Variants in CRIM1 observed in about 807,000 individuals in gnomAD.
The protein encoded by CRIM1 is cysteine rich transmembrane BMP regulator 1, also known as cysteine-rich motor neuron 1 protein.
CRIM1 carries 32 observed loss-of-function variants against 116.4 expected under a neutral mutation model. The observed-to-expected ratio is 0.27, with a 90% CI of 0.21 to 0.37. The LOEUF is 0.37. Among genes scored for constraint, CRIM1 ranks in the 10% least tolerant of loss-of-function variants. CRIM1 has a pLI of 1.00. For missense variants in CRIM1, 1,331 were observed against 1,354.8 expected, an observed-to-expected ratio of 0.98 and a Z score of 0.28; for synonymous variants, 590 against 509.2, an observed-to-expected ratio of 1.16 and a Z score of -2.13.
At chr2:36,471,431 A>C (rs188639598) in intron 5 of CRIM1, among the ~76,000 whole-genome samples, 2 of 152,080 alleles carry the variant, frequency 1.3e-5, no homozygotes, top group Non-Finnish European at 2.9e-5. Flanking sequence ...AGCCACCCCA[A>C]CCTTCAGCAA....
chr2:36,366,130 A>T (rs1388388442), intron 1 of CRIM1, among the ~76,000 whole-genome samples: 1 of 152,236 alleles, frequency 6.6e-6, no homozygotes, highest in Non-Finnish European at 1.5e-5. Context: ...AGATGCTTTA[A>T]ATTGGCTATT....
chr2:36,450,879 T>A (rs549641551), intron 4 of CRIM1, among the ~76,000 whole-genome samples: 8 of 152,356 alleles, frequency 5.3e-5, no homozygotes, highest in African/African-American at 1.9e-4. Context: ...CTTAGCAGAT[T>A]GCTAGCACAC....
chr2:36,357,713 G>A (rs1668946853), intron 1 of CRIM1, among the ~76,000 whole-genome samples: 2 of 152,178 alleles, frequency 1.3e-5, no homozygotes, highest in Non-Finnish European at 2.9e-5. Flanking sequence ...GGGCATCCTG[G>A]CGAGTGAGCA....
chr2:36,486,791 A>G (rs1182478209), intron 7 of CRIM1, among the ~76,000 whole-genome samples: 1 of 152,216 alleles, frequency 6.6e-6, no homozygotes, highest in East Asian at 1.9e-4. Flanking sequence ...ATAGTCTGGA[A>G]TGCTAACTAT....
intron 5 of CRIM1, among the ~76,000 whole-genome samples, chr2:36,474,102 C>G (rs963555806): frequency 6.6e-6 from 1 of 152,080 alleles, no homozygotes; most frequent in South Asian, 2.1e-4. Flanking sequence ...ACTAATGATT[C>G]GAGCATCTTT....
chr2:36,550,066 T>TGCGCGCGC lies in CRIM1; in HGVS notation c.*1366_*1373dup, dbSNP rs34148376. The TGCGCGCGC allele has an allele frequency of 6.7e-6, 1 of 149,678 alleles. No homozygotes were observed. Among genetic ancestry groups the TGCGCGCGC allele is most frequent in the African/African-American group, 2.5e-5 (1 of 39,902 alleles). The allele number at this position is 149,678 out of a possible 1,614,324, so 9.3% of individuals were successfully genotyped here. A position where few individuals can be genotyped will look rare whatever the true frequency, so the allele number is the denominator to read the frequency against. On this transcript the variant is annotated 3_prime_UTR_variant, in exon 17 of 17. Coordinates refer to ENST00000280527, the MANE Select transcript of CRIM1 (RefSeq NM_016441.3). Reference sequence around the variant, plus strand: ...ATGTGTGTGTGTGTGTGTGTGTGTGTGCGCGCGCACGCACGCCTTGAGCAG... The same window carrying TGCGCGCGC: ...ATGTGTGTGTGTGTGTGTGTGTGTGTGCGCGCGCGCGCGCGCACGCACGCCTTGAGCAG...
intron 16 of CRIM1, 133 bp from the exon 17 acceptor site, chr2:36,548,392 T>A: frequency 2.0e-6 from 1 of 510,986 alleles, no homozygotes; most frequent in Non-Finnish European, 3.4e-6. Context: ...GATGTGATAA[T>A]CTGCATACAG....
intron 14 of CRIM1, among the ~76,000 whole-genome samples, chr2:36,540,601 G>T (rs1344592088): frequency 6.6e-6 from 1 of 152,180 alleles, no homozygotes; most frequent in East Asian, 1.9e-4. Context: ...GCTTTGGCAA[G>T]GATTTTTCAG....
chr2:36,447,019 G>A (rs770280199), intron 4 of CRIM1, among the ~76,000 whole-genome samples: 17 of 152,218 alleles, frequency 1.1e-4, no homozygotes, highest in Non-Finnish European at 2.4e-4. Context: ...TAGTCTTTAA[G>A]TGACATATAG....
At chr2:36,392,268 G>T (rs947931418) in intron 1 of CRIM1, among the ~76,000 whole-genome samples, 1 of 152,130 alleles carries the variant, frequency 6.6e-6, no homozygotes, top group African/African-American at 2.4e-5. Context: ...TATACTTAGA[G>T]AAAGTAACTT....
At chr2:36,490,508 G>C (rs543813122) in intron 7 of CRIM1, among the ~76,000 whole-genome samples, 4 of 152,208 alleles carry the variant, frequency 2.6e-5, no homozygotes, top group African/African-American at 9.6e-5. Flanking sequence ...GAATGTCAAA[G>C]TACTTGATCA....
At chr2:36,394,028 A>G (rs1403121991) in intron 1 of CRIM1, among the ~76,000 whole-genome samples, 5 of 152,176 alleles carry the variant, frequency 3.3e-5, no homozygotes, top group Admixed American at 2.0e-4. Context: ...GAATAGTGGC[A>G]GGGAGCCAGG....
chr2:36,396,738 T>C lies in CRIM1; in HGVS notation c.456T>C (p.Phe152=). ...CNTIRTCSNP[F]EFPSQDMCLS... is the part of the protein sequence containing the mutation. ...CCATTCGAACCTGCAGCAATCCCTT[T>C]GAGTTTCCAAGTCAGGATATGTGCC... is the stretch of plus-strand genomic sequence containing the variant. Residue 152 remains phenylalanine, a synonymous_variant, in exon 2 of 17, where the codon TTT becomes TTC. Coordinates refer to ENST00000280527, the MANE Select transcript of CRIM1 (RefSeq NM_016441.3). The C allele has an allele frequency of 6.2e-7, 1 of 1,613,712 alleles. No individual in the cohort carries two copies. Among genetic ancestry groups the C allele is most frequent in the African/African-American group, 1.3e-5 (1 of 75,050 alleles).
At chr2:36,410,946 C>T (rs1401090416) in intron 2 of CRIM1, among the ~76,000 whole-genome samples, 1 of 152,170 alleles carries the variant, frequency 6.6e-6, no homozygotes, top group African/African-American at 2.4e-5. Flanking sequence ...CCTCAGAGGA[C>T]CTTGCTTGCT....
At chr2:36,383,598 G>A (rs1325961332) in intron 1 of CRIM1, among the ~76,000 whole-genome samples, 1 of 152,206 alleles carries the variant, frequency 6.6e-6, no homozygotes. Context: ...TGTGTGTTCA[G>A]CACAGAGTGA....
chr2:36,358,081 TCAGAGGG>T (rs1471038230), intron 1 of CRIM1, among the ~76,000 whole-genome samples: 1 of 152,038 alleles, frequency 6.6e-6, no homozygotes, highest in Admixed American at 6.6e-5. Flanking sequence ...GGAACTCTTC[TCAGAGGG>T]GAGGGACTTG....
At chr2:36,449,851 T>C (rs981692020) in intron 4 of CRIM1, among the ~76,000 whole-genome samples, 9 of 144,990 alleles carry the variant, frequency 6.2e-5, no homozygotes, top group African/African-American at 2.4e-4. Context: ...GAATTATGGG[T>C]TTTTTCTTTA....
At chr2:36,408,831 T>A (rs1350672504) in intron 2 of CRIM1, among the ~76,000 whole-genome samples, 2 of 150,216 alleles carry the variant, frequency 1.3e-5, no homozygotes, top group African/African-American at 2.5e-5. Flanking sequence ...CAAGAAAGAG[T>A]CTGGGAGCAT....
At chr2:36,532,312 C>T (rs565936555) in intron 13 of CRIM1, among the ~76,000 whole-genome samples, 1 of 152,190 alleles carries the variant, frequency 6.6e-6, no homozygotes, top group East Asian at 1.9e-4. Context: ...TAAAAATAAA[C>T]GTTATTATGT....
Sources: allele counts gnomAD v4.1 joint callset (sites outside exome capture counted in the v4.1 genomes callset), GRCh38; gene constraint gnomAD v4.1.1; transcripts MANE v1.5; gene names NCBI Gene and HGNC (gene_info 2026-07-23, HGNC 2026-07-21).